Variants in LUZP2 observed in about 807,000 individuals in gnomAD.
LUZP2 encodes leucine zipper protein 2.
Under a neutral mutation model 51.6 loss-of-function variants are expected in LUZP2, and 52 were observed. The ratio of observed to expected loss-of-function variants is 1.01; its 90% CI spans 0.81 to 1.27. The LOEUF is 1.27. LUZP2 is among the 50% of genes most tolerant of loss of function. The pLI is 0.00. For synonymous variants in LUZP2, 154 were observed against 137.3 expected (o/e 1.12, Z -0.85); for missense variants, 436 against 395.4 (o/e 1.10, Z -0.87).
chr11:24,828,419 G>A (rs1035174964), intron 5 of LUZP2, among the ~76,000 whole-genome samples: 1 of 152,012 alleles, frequency 6.6e-6, no homozygotes, highest in East Asian at 1.9e-4. Context: ...CATTGAACAT[G>A]CAAAAATTCC....
intron 9 of LUZP2, among the ~76,000 whole-genome samples, chr11:24,985,199 A>G (rs1856155101): frequency 6.6e-6 from 1 of 151,596 alleles, no homozygotes; most frequent in African/African-American, 2.4e-5. Context: ...ATTTCAAGTG[A>G]CACAGCCCTC....
intron 1 of LUZP2, among the ~76,000 whole-genome samples, chr11:24,610,404 T>G (rs1472067767): frequency 5.9e-5 from 9 of 152,162 alleles, no homozygotes; most frequent in African/African-American, 2.2e-4. Context: ...AGGGCCCAAA[T>G]GTCAGGTTTA....
chr11:24,842,094 T>G lies in LUZP2; in HGVS notation c.397-63897T>G, dbSNP rs973240487. On this transcript the variant is annotated intron_variant, in intron 5 of 11. Transcript: ENST00000336930. ...GAAAGTAAAAATATAAAAAAATAGATATACTGACACTTATTTTTAAAAGTT... is the reference window on the plus strand; with the variant it reads ...GAAAGTAAAAATATAAAAAAATAGAGATACTGACACTTATTTTTAAAAGTT... Among the ~76,000 whole-genome samples the G allele has an allele frequency of 2.0e-5, 3 of 151,386 alleles. No individual in the cohort carries two copies. The Admixed American group carries it at 2.0e-4, about 10-fold the overall frequency.
chr11:24,684,049 T>A (rs1462024168), intron 1 of LUZP2, among the ~76,000 whole-genome samples: 1 of 152,044 alleles, frequency 6.6e-6, no homozygotes, highest in East Asian at 1.9e-4. Context: ...GTATAATACC[T>A]CTCCTTTGTT....
chr11:24,804,549 G>T (rs919194188), intron 5 of LUZP2, among the ~76,000 whole-genome samples: 1 of 152,126 alleles, frequency 6.6e-6, no homozygotes, highest in Non-Finnish European at 1.5e-5. Context: ...AAATAAGGAT[G>T]ATCTAATGGT....
chr11:25,060,668 G>T lies in LUZP2; in HGVS notation c.858+10538G>T, dbSNP rs184237191. Among the ~76,000 whole-genome samples the T allele has an allele frequency of 2.4e-3, 365 of 152,176 alleles. 1 individual carries two copies. The highest frequency in any genetic ancestry group is 8.5e-3 in the African/African-American group (352 of 41,524). Reference sequence around the variant, plus strand: ...AGGTTAAATTGGTATTTCCCACTTTGCCATAGGCAAATACTGTTCTGTGAT... The same window carrying T: ...AGGTTAAATTGGTATTTCCCACTTTTCCATAGGCAAATACTGTTCTGTGAT... On this transcript the variant is annotated intron_variant, in intron 10 of 11. Transcript: ENST00000336930.
intron 9 of LUZP2, among the ~76,000 whole-genome samples, chr11:24,990,549 A>T (rs1271062019): frequency 6.6e-6 from 1 of 152,040 alleles, no homozygotes; most frequent in Non-Finnish European, 1.5e-5. Context: ...GTAAATGCAG[A>T]GATGAAGACT....
intron 2 of LUZP2, among the ~76,000 whole-genome samples, chr11:24,730,983 A>AT (rs1858692073): frequency 3.3e-5 from 5 of 151,532 alleles, no homozygotes; most frequent in South Asian, 4.2e-4. Flanking sequence ...GTGAATGATT[A>AT]TTTTTTTTAC....
At chr11:24,647,518 T>C (rs1855499307) in intron 1 of LUZP2, among the ~76,000 whole-genome samples, 1 of 151,916 alleles carries the variant, frequency 6.6e-6, no homozygotes, top group African/African-American at 2.4e-5. Flanking sequence ...TTTTCTTTCA[T>C]GAGAAATAGT....
At position 24,949,968 on chromosome 11, in the gene LUZP2, C is replaced by CTT. The variant is rs34673656; in HGVS notation, c.523-26608_523-26607dup. ...CCCGCCCTTTTTCTTTCTTTCTTTT[C>CTT]TTTTTTTTTTTTTTTTGAGATGGAG... is the stretch of plus-strand genomic sequence containing the variant. On this transcript the variant is annotated intron_variant, in intron 7 of 11. Coordinates refer to ENST00000336930, the MANE Select transcript of LUZP2 (RefSeq NM_001009909.4). Among the ~76,000 whole-genome samples the CTT allele has an allele frequency of 2.5e-5, 3 of 119,846 alleles. No homozygotes were observed. The East Asian group carries it at 7.2e-4, about 29-fold the overall frequency. 78.6% of individuals were successfully genotyped at this position (119,846 alleles called of 152,430 possible). A position where few individuals can be genotyped will look rare whatever the true frequency, so the allele number is the denominator to read the frequency against.
intron 5 of LUZP2, among the ~76,000 whole-genome samples, chr11:24,899,093 G>T (rs968653368): frequency 6.6e-6 from 1 of 151,990 alleles, no homozygotes; most frequent in Non-Finnish European, 1.5e-5. Flanking sequence ...ATTTTCATAC[G>T]TTGGATGATT....
chr11:24,926,143 A>G (rs115892245), intron 7 of LUZP2, among the ~76,000 whole-genome samples: 11,954 of 151,042 alleles, frequency 0.079, 1,572 homozygotes, highest in African/African-American at 0.27. Context: ...GAACCAGCCC[A>G]AAGGCCCATA....
At chr11:24,932,330 T>C (rs1324823823) in intron 7 of LUZP2, among the ~76,000 whole-genome samples, 1 of 152,026 alleles carries the variant, frequency 6.6e-6, no homozygotes, top group Non-Finnish European at 1.5e-5. Context: ...AATATTCGGG[T>C]GTCTCAGGCA....
At chr11:24,756,722 C>T (rs74383428) in intron 4 of LUZP2, among the ~76,000 whole-genome samples, 1,580 of 152,274 alleles carry the variant, frequency 0.01, 16 homozygotes, top group Non-Finnish European at 0.017. Context: ...ATTTGTTCTA[C>T]TAAGAAGTAG....
intron 9 of LUZP2, among the ~76,000 whole-genome samples, chr11:25,014,814 A>G (rs1417277983): frequency 1.3e-5 from 2 of 151,866 alleles, no homozygotes; most frequent in Admixed American, 6.6e-5. Flanking sequence ...TTTAGACATG[A>G]AGTCCTTGCC....
chr11:24,546,966 G>T (rs11027999), intron 1 of LUZP2, among the ~76,000 whole-genome samples: 664 of 4,156 alleles, frequency 0.16, 1 homozygote, highest in African/African-American at 0.31. Context: ...GTTGTTGTTG[G>T]TGGTGGTGGT....
intron 1 of LUZP2, among the ~76,000 whole-genome samples, chr11:24,569,851 T>A (rs1463379671): frequency 6.8e-5 from 10 of 147,948 alleles, no homozygotes; most frequent in African/African-American, 2.5e-4. Context: ...AATCACTTTT[T>A]TAAAAAAATT....
chr11:24,655,593 A>T (rs1231860594), intron 1 of LUZP2, among the ~76,000 whole-genome samples: 2 of 152,214 alleles, frequency 1.3e-5, no homozygotes, highest in Non-Finnish European at 2.9e-5. Flanking sequence ...TACAGTTCAG[A>T]TCATAAAGAA....
intron 1 of LUZP2, among the ~76,000 whole-genome samples, chr11:24,562,535 A>G (rs1852079028): frequency 6.6e-6 from 1 of 151,936 alleles, no homozygotes; most frequent in South Asian, 2.1e-4. Context: ...TATCAGGGTA[A>G]GGACCCATTA....
Sources: allele counts gnomAD v4.1 joint callset (sites outside exome capture counted in the v4.1 genomes callset), GRCh38; gene constraint gnomAD v4.1.1; transcripts MANE v1.5; gene names NCBI Gene and HGNC (gene_info 2026-07-23, HGNC 2026-07-21).